PCDHA5: variants seen among roughly 807,000 people sequenced by gnomAD.
PCDHA5 encodes the protein protocadherin alpha-5.
Under a neutral mutation model 61.6 loss-of-function variants are expected in PCDHA5, and 43 were observed. The observed-to-expected ratio is 0.70, with a 90% CI of 0.55 to 0.90. The LOEUF is 0.90. PCDHA5 is among the 40% of genes least tolerant of loss of function. The probability of loss-of-function intolerance (pLI) is 0.00; values close to 1 mark genes in which losing one functional copy is unlikely to be tolerated. For missense variants in PCDHA5, 1,298 were observed against 1,222.7 expected, an observed-to-expected ratio of 1.06 and a Z score of -0.92; for synonymous variants, 627 against 543.9, an observed-to-expected ratio of 1.15 and a Z score of -2.13.
Position 140,870,844 on chromosome 5 carries a change from C to T in PCDHA5, c.2352+46717C>T. The T allele has an allele frequency of 3.1e-6, 5 of 1,613,832 alleles. No homozygotes were observed. The highest frequency in any genetic ancestry group is 4.2e-6 in the Non-Finnish European group (5 of 1,179,882). ...GGGAGGCGCAGTTAACAAGCTAGTA[C>T]CGCGGTCGGTGGGTGCGGGCCACGT... On this transcript the variant is annotated intron_variant, in intron 1 of 3. Transcript: ENST00000529859.
chr5:140,928,033 A>G, intron 1 of PCDHA5: 1 of 1,614,198 alleles, frequency 6.2e-7, no homozygotes, highest in Non-Finnish European at 8.5e-7. Context: ...TGGCATGTCT[A>G]GTGCAGGCCC....
chr5:140,871,158 C>G (rs2052764728), intron 1 of PCDHA5: 20 of 1,613,444 alleles, frequency 1.2e-5, no homozygotes, highest in Non-Finnish European at 1.6e-5. Flanking sequence ...TGGCGGGCGC[C>G]GCGAGCCCAG....
chr5:140,859,697 G>T (rs1233998662), intron 1 of PCDHA5: 1 of 154,148 alleles, frequency 6.5e-6, no homozygotes, highest in Non-Finnish European at 1.4e-5. Flanking sequence ...TATTGTTCAA[G>T]TTTAGGAACA....
intron 1 of PCDHA5, among the ~76,000 whole-genome samples, chr5:140,946,691 G>A (rs782114019): frequency 3.4e-5 from 5 of 147,578 alleles, no homozygotes; most frequent in African/African-American, 5.1e-5. Context: ...TGACAATATG[G>A]ATGAATCTGG....
At chr5:140,871,120 C>G (rs1554165154) in intron 1 of PCDHA5, 1 of 1,613,342 alleles carries the variant, frequency 6.2e-7, no homozygotes, top group Non-Finnish European at 8.5e-7. Flanking sequence ...GGAGAGCGGA[C>G]AGGCGCCAAA....
intron 1 of PCDHA5, chr5:140,869,955 T>G: frequency 2.5e-6 from 4 of 1,612,860 alleles, no homozygotes; most frequent in Non-Finnish European, 3.4e-6. Flanking sequence ...TAATGTCAAT[T>G]AAGCCCAATG....
chr5:140,857,663 G>A lies in PCDHA5; in HGVS notation c.2352+33536G>A, dbSNP rs377441915. ...ACAGTTCCAGGTGAGCGCGCGCGAT[G>A]GGGGCGTGCCGCCTCTGGGCAGCAA... On this transcript the variant is annotated intron_variant, in intron 1 of 3. Transcript: ENST00000529859. The A allele has an allele frequency of 1.9e-5, 30 of 1,596,736 alleles. 2 individuals are homozygous for A. Among genetic ancestry groups the A allele is most frequent in the Non-Finnish European group, 2.3e-5 (27 of 1,167,780 alleles).
At chr5:140,869,521 C>T (rs782236624) in intron 1 of PCDHA5, 4 of 1,614,064 alleles carry the variant, frequency 2.5e-6, no homozygotes, top group Non-Finnish European at 2.5e-6. Flanking sequence ...AGAACAAAAG[C>T]TGCTGATTGC....
At chr5:140,958,696 G>A (rs1276859394) in intron 1 of PCDHA5, among the ~76,000 whole-genome samples, 1 of 152,156 alleles carries the variant, frequency 6.6e-6, no homozygotes, top group African/African-American at 2.4e-5. Flanking sequence ...ATATCCTAGA[G>A]TGACAACTCT....
intron 1 of PCDHA5, chr5:140,834,284 A>T: frequency 8.6e-7 from 1 of 1,167,116 alleles, no homozygotes; most frequent in Non-Finnish European, 1.2e-6. Flanking sequence ...TTGGATGCAC[A>T]ACAATGGCCA....
chr5:140,884,410 G>T, intron 1 of PCDHA5: 1 of 1,614,008 alleles, frequency 6.2e-7, no homozygotes, highest in South Asian at 1.1e-5. Context: ...TGGTGCTCAC[G>T]TTGCTGCTGT....
At chr5:140,836,050 T>G (rs1344658459) in intron 1 of PCDHA5, 1 of 1,613,330 alleles carries the variant, frequency 6.2e-7, no homozygotes, top group Non-Finnish European at 8.5e-7. Context: ...GTGTTCGTGC[T>G]GGACGAGAAC....
rs1053953271 is a variant in PCDHA5 at position 140,853,589 on chromosome 5, C to G, written c.2352+29462C>G. 1.4e-5 allele frequency: 14 copies of G among 986,246 alleles called. 3 individuals are homozygous for G. The highest frequency in any genetic ancestry group is 1.7e-5 in the Non-Finnish European group (14 of 818,496). 61.1% of individuals were successfully genotyped at this position (986,246 alleles called of 1,614,324 possible). A position where few individuals can be genotyped will look rare whatever the true frequency, so the allele number is the denominator to read the frequency against. The stretch of plus-strand genomic sequence containing the variant: ...AAGTTGTCACCCAATATCTTAGACA[C>G]TTTGAGAGCAAAGGGGGTGCTGTAA... On this transcript the variant is annotated intron_variant, in intron 1 of 3. Coordinates refer to ENST00000529859, the MANE Select transcript of PCDHA5 (RefSeq NM_018908.3).
At chr5:140,928,160 C>G (rs782224079) in intron 1 of PCDHA5, 1 of 1,614,096 alleles carries the variant, frequency 6.2e-7, no homozygotes, top group Non-Finnish European at 8.5e-7. Flanking sequence ...AGTGGCTCAC[C>G]CCCACTTAGC....
intron 1 of PCDHA5, chr5:140,825,411 A>C (rs1439734521): frequency 6.8e-6 from 1 of 146,452 alleles, no homozygotes; most frequent in Non-Finnish European, 1.5e-5. Flanking sequence ...TATATATTTT[A>C]TATAATATAT....
chr5:140,976,812 G>A (rs2096732233), intron 1 of PCDHA5, among the ~76,000 whole-genome samples: 1 of 152,178 alleles, frequency 6.6e-6, no homozygotes, highest in Non-Finnish European at 1.5e-5. Flanking sequence ...CTGAAGATAT[G>A]CATGTGTCTA....
At chr5:140,952,847 T>C (rs1199940738) in intron 1 of PCDHA5, among the ~76,000 whole-genome samples, 1 of 152,160 alleles carries the variant, frequency 6.6e-6, no homozygotes, top group Middle Eastern at 3.2e-3. Flanking sequence ...TCTGCTTGTC[T>C]TCTGGGGAGG....
chr5:141,010,815 TC>T lies in PCDHA5; in HGVS notation c.*879del, dbSNP rs1159286994. 1.3e-5 allele frequency: 2 copies of T among 153,744 alleles called. No homozygotes were observed. Among genetic ancestry groups the T allele is most frequent in the Admixed American group, 6.5e-5 (1 of 15,280 alleles). 9.5% of individuals were successfully genotyped at this position (153,744 alleles called of 1,614,324 possible). On this transcript the variant is annotated 3_prime_UTR_variant, in exon 4 of 4. Coordinates refer to ENST00000529859, the MANE Select transcript of PCDHA5 (RefSeq NM_018908.3). ...AAAGAAAACCCCGACACCTCACCTT[TC>T]GCTGTTTGTTGTTTCATAGATTTAT...
At chr5:140,841,102 G>A (rs2150311111) in intron 1 of PCDHA5, 21 of 575,248 alleles carry the variant, frequency 3.7e-5, no homozygotes, top group Non-Finnish European at 9.0e-6. Flanking sequence ...CAGATATTGC[G>A]GAAGTAATTC....
Sources: gnomAD v4.1 joint callset for allele counts (sites outside exome capture counted in the v4.1 genomes callset) on GRCh38, gnomAD v4.1.1 for gene constraint, MANE v1.5 for transcripts, NCBI Gene and HGNC (gene_info 2026-07-23, HGNC 2026-07-21) for gene names.